The following CDYL variants were observed in gnomAD, a reference collection of about 807,000 sequenced individuals.
The protein encoded by CDYL is chromodomain Y like, also known as chromodomain Y-like protein.
CDYL carries 8 observed loss-of-function variants against 47.3 expected under a neutral mutation model. That is an observed-to-expected ratio of 0.17 (90% CI 0.10 to 0.31). CDYL has a LOEUF of 0.31. CDYL is among the 10% of genes least tolerant of loss of function. The probability of loss-of-function intolerance (pLI) is 1.00; values close to 1 mark genes in which losing one functional copy is unlikely to be tolerated. For missense variants in CDYL, 471 were observed against 701.4 expected, an observed-to-expected ratio of 0.67 and a Z score of 3.71; for synonymous variants, 266 against 265.0, an observed-to-expected ratio of 1.00 and a Z score of -0.04.
At chr6:4,830,293 T>C (rs974086814) in intron 1 of CDYL, among the ~76,000 whole-genome samples, 10 of 152,378 alleles carry the variant, frequency 6.6e-5, no homozygotes, top group East Asian at 5.8e-4. Context: ...TTCATCCTTA[T>C]GCCATCTAGA....
intron 2 of CDYL, among the ~76,000 whole-genome samples, chr6:4,725,437 C>T (rs1757491574): frequency 6.6e-6 from 1 of 152,238 alleles, no homozygotes; most frequent in African/African-American, 2.4e-5. Flanking sequence ...GGTGGGGAGG[C>T]TCAGGCATGG....
chr6:4,881,003 A>G (rs1413841070), intron 1 of CDYL, among the ~76,000 whole-genome samples: 1 of 152,210 alleles, frequency 6.6e-6, no homozygotes, highest in Admixed American at 6.5e-5. Flanking sequence ...TTATTTACAT[A>G]GCATTTTCTT....
intron 2 of CDYL, among the ~76,000 whole-genome samples, chr6:4,896,652 C>T (rs1171462600): frequency 1.3e-5 from 2 of 152,182 alleles, no homozygotes; most frequent in South Asian, 2.1e-4. Flanking sequence ...GGAGAAGCCG[C>T]GCTGAAGCTC....
chr6:4,730,155 T>C (rs971535978), intron 2 of CDYL, among the ~76,000 whole-genome samples: 11 of 152,064 alleles, frequency 7.2e-5, no homozygotes, highest in African/African-American at 2.7e-4. Context: ...TTGCTGGGGG[T>C]AAACTACAGA....
chr6:4,897,917 C>T (rs1479748963), intron 2 of CDYL, among the ~76,000 whole-genome samples: 4 of 151,406 alleles, frequency 2.6e-5, no homozygotes, highest in Non-Finnish European at 5.9e-5. Context: ...ATTAGCCAGG[C>T]GTGGTGGCAG....
chr6:4,821,661 G>A (rs930184960), intron 1 of CDYL, among the ~76,000 whole-genome samples: 9 of 151,646 alleles, frequency 5.9e-5, no homozygotes, highest in Non-Finnish European at 1.0e-4. Context: ...TGAATAACTC[G>A]GGAGGCGGAG....
chr6:4,827,673 T>G (rs1760017340), intron 1 of CDYL, among the ~76,000 whole-genome samples: 4 of 152,228 alleles, frequency 2.6e-5, no homozygotes, highest in South Asian at 2.1e-4. Flanking sequence ...TTTTCTTTTT[T>G]GAGACAGAGC....
intron 1 of CDYL, among the ~76,000 whole-genome samples, chr6:4,854,079 T>A (rs1262034244): frequency 6.6e-6 from 1 of 152,310 alleles, no homozygotes; most frequent in East Asian, 1.9e-4. Flanking sequence ...GGGGTGTAGT[T>A]CACTGTGCAC....
At chr6:4,708,752 C>G (rs1648476657) in intron 1 of CDYL, among the ~76,000 whole-genome samples, 1 of 152,170 alleles carries the variant, frequency 6.6e-6, no homozygotes, top group Non-Finnish European at 1.5e-5. Context: ...GGCACAGTGG[C>G]TCACACCTGT....
At chr6:4,900,783 A>ATATGTATGTG (rs1561697435) in intron 2 of CDYL, among the ~76,000 whole-genome samples, 15 of 30,690 alleles carry the variant, frequency 4.9e-4, no homozygotes, top group South Asian at 8.5e-4. Flanking sequence ...ACGTGTGTAT[A>ATATGTATGTG]TATATATATA....
chr6:4,767,434 G>A (rs546428979), intron 3 of CDYL, among the ~76,000 whole-genome samples: 14 of 152,200 alleles, frequency 9.2e-5, no homozygotes, highest in African/African-American at 2.2e-4. Flanking sequence ...TTACCCAGGC[G>A]TGGTGGCGTG....
At position 4,806,991 on chromosome 6, in the gene CDYL, T is replaced by C. The variant is rs199773456; in HGVS notation, c.24+30184T>C. On this transcript the variant is annotated intron_variant, in intron 1 of 6. Coordinates refer to ENST00000397588, the MANE Select transcript of CDYL (RefSeq NM_004824.4). ...CGAGGGCTTCCTTCCCTCAGAGGCT[T>C]GTGGATGACATCTCTCTGCCGTGTC... Among the ~76,000 whole-genome samples, 13 of 152,304 alleles carry C rather than the reference T, an allele frequency of 8.5e-5. 1 individual carries two copies. The East Asian group carries it at 1.4e-3, about 16-fold the overall frequency.
chr6:4,950,208 G>T (rs1223158410), intron 5 of CDYL, among the ~76,000 whole-genome samples: 1 of 152,214 alleles, frequency 6.6e-6, no homozygotes, highest in Non-Finnish European at 1.5e-5. Flanking sequence ...GACTGGGACA[G>T]ACAGCCAGGG....
intron 4 of CDYL, among the ~76,000 whole-genome samples, chr6:4,942,815 A>C (rs1758398484): frequency 6.6e-6 from 1 of 152,098 alleles, no homozygotes; most frequent in Admixed American, 6.6e-5. Context: ...GCCTGACCCC[A>C]CTGTCCTCCG....
chr6:4,798,158 A>C (rs776124558), intron 1 of CDYL, among the ~76,000 whole-genome samples: 4 of 152,030 alleles, frequency 2.6e-5, no homozygotes, highest in Non-Finnish European at 5.9e-5. Context: ...ATTTTTGTAG[A>C]GATGGAGTTT....
chr6:4,814,054 A>G (rs1581183860), intron 1 of CDYL, among the ~76,000 whole-genome samples: 1 of 151,872 alleles, frequency 6.6e-6, no homozygotes, highest in Admixed American at 6.6e-5. Context: ...CATTGGGATT[A>G]CAGGATAAGC....
chr6:4,748,468 A>G (rs1233149280), intron 3 of CDYL, among the ~76,000 whole-genome samples: 1 of 152,150 alleles, frequency 6.6e-6, no homozygotes, highest in East Asian at 1.9e-4. Flanking sequence ...TTCTGAGGGA[A>G]GAAAAACAGA....
rs371671043 is a variant in CDYL at position 4,723,851 on chromosome 6, CTG to C, written c.103+7971_103+7972del. Among the ~76,000 whole-genome samples, 460 of 152,298 alleles carry C rather than the reference CTG, an allele frequency of 3.0e-3. 3 individuals are homozygous for C. Among genetic ancestry groups the C allele is most frequent in the African/African-American group, 0.011 (441 of 41,560 alleles). On this transcript the variant is annotated intron_variant, in intron 2 of 8. Transcript: ENST00000328908. ...TGAGACAACTCACTAGTGCCAAAAA[CTG>C]AGTGTTTAGGTCTAACCGGTCCCTG... is the stretch of plus-strand genomic sequence containing the variant.
chr6:4,812,994 A>G (rs1411548277), intron 1 of CDYL, among the ~76,000 whole-genome samples: 1 of 152,222 alleles, frequency 6.6e-6, no homozygotes, highest in Admixed American at 6.5e-5. Context: ...AGGATTTTCA[A>G]AAAGACTGAT....
Sources: allele counts gnomAD v4.1 joint callset (sites outside exome capture counted in the v4.1 genomes callset), GRCh38; gene constraint gnomAD v4.1.1; transcripts MANE v1.5; gene names NCBI Gene and HGNC (gene_info 2026-07-23, HGNC 2026-07-21).